The following CENPK variants were observed in gnomAD, a reference collection of about 807,000 sequenced individuals.
CENPK encodes SoxLZ/Sox6-binding protein Solt.
Under a neutral mutation model 40.9 loss-of-function variants are expected in CENPK, and 46 were observed. The observed-to-expected ratio is 1.13, with a 90% CI of 0.89 to 1.44. CENPK has a LOEUF of 1.44. CENPK is among the 40% of genes most tolerant of loss of function. CENPK has a pLI of 0.00. For synonymous variants in CENPK, 107 were observed against 104.4 expected, an observed-to-expected ratio of 1.02 and a Z score of -0.15; for missense variants, 288 against 303.5, an observed-to-expected ratio of 0.95 and a Z score of 0.38.
chr5:65,508,787 A>T, the CENPK span, among the ~76,000 whole-genome samples: 28 of 43,194 alleles, frequency 6.5e-4, no homozygotes, highest in Admixed American at 7.6e-3. Context: ...GACTCCATCT[A>T]AAAAAAAAAA....
At chr5:65,544,057 A>G (rs16893932) in intron 5 of CENPK, among the ~76,000 whole-genome samples, 5,027 of 152,282 alleles carry the variant, frequency 0.033, 278 homozygotes, top group African/African-American at 0.12. Context: ...AAAACTTTCA[A>G]AGGTATCTGC....
At chr5:65,503,765 C>T in the CENPK span, among the ~76,000 whole-genome samples, 1 of 150,982 alleles carries the variant, frequency 6.6e-6, no homozygotes, top group Non-Finnish European at 1.5e-5. Flanking sequence ...TCAAGCAATT[C>T]TCTGCCTCAG....
At chr5:65,506,469 T>C in the CENPK span, among the ~76,000 whole-genome samples, 1 of 151,230 alleles carries the variant, frequency 6.6e-6, no homozygotes, top group South Asian at 2.1e-4. Flanking sequence ...GACAACATGG[T>C]GAAACCCGGT....
the CENPK span, among the ~76,000 whole-genome samples, chr5:65,506,219 TAA>T: frequency 4.7e-4 from 67 of 143,040 alleles, 1 homozygote; most frequent in East Asian, 8.1e-4. Context: ...TCCCATTTCT[TAA>T]AAAAAAAAAA....
intron 6 of CENPK, among the ~76,000 whole-genome samples, chr5:65,536,004 A>G (rs1746828564): frequency 6.6e-6 from 1 of 152,252 alleles, no homozygotes; most frequent in Non-Finnish European, 1.5e-5. Flanking sequence ...AGAAGTTACC[A>G]GTAAAATATA....
At chr5:65,533,654 A>G (rs1387016593) in intron 6 of CENPK, among the ~76,000 whole-genome samples, 1 of 152,190 alleles carries the variant, frequency 6.6e-6, no homozygotes, top group African/African-American at 2.4e-5. Context: ...GATCTCAGAT[A>G]ATAAGGATGT....
chr5:65,558,931 G>A (rs1271381051), intron 2 of CENPK, among the ~76,000 whole-genome samples: 1 of 152,188 alleles, frequency 6.6e-6, no homozygotes, highest in South Asian at 2.1e-4. Context: ...AAATCTTCAA[G>A]GAATGAGGGT....
chr5:65,546,306 G>C (rs1748962371), intron 5 of CENPK, among the ~76,000 whole-genome samples: 1 of 151,616 alleles, frequency 6.6e-6, no homozygotes, highest in South Asian at 2.1e-4. Context: ...ACACCCGGCT[G>C]TTCTAATTTT....
chr5:65,520,941 A>G (rs1316034047), intron 10 of CENPK, among the ~76,000 whole-genome samples: 1 of 152,218 alleles, frequency 6.6e-6, no homozygotes, highest in Admixed American at 6.5e-5. Context: ...GGTCAAAGGT[A>G]TTTATAAAAC....
the CENPK span, among the ~76,000 whole-genome samples, chr5:65,503,692 C>CT: frequency 6.7e-6 from 1 of 150,192 alleles, no homozygotes; most frequent in Non-Finnish European, 1.5e-5. Context: ...GAGTCTCACT[C>CT]TGTCGCCCAG....
intron 1 of CENPK, 174 bp downstream of exon 1, chr5:65,562,924 A>C (rs1479797421): frequency 6.2e-6 from 1 of 162,428 alleles, no homozygotes. Context: ...TCTTTCTCTA[A>C]ATATTGGTGA....
At chr5:65,521,157 T>A (rs1428039761) in intron 10 of CENPK, among the ~76,000 whole-genome samples, 1 of 152,062 alleles carries the variant, frequency 6.6e-6, no homozygotes, top group Non-Finnish European at 1.5e-5. Flanking sequence ...AAATACTAGA[T>A]AACATCATTA....
At position 65,563,124 on chromosome 5, in the gene CENPK, G is replaced by C. The variant is rs1413477558; in HGVS notation, c.-168C>G. 1.5e-6 allele frequency: 1 copy of C among 668,394 alleles called. No homozygotes were observed. Among genetic ancestry groups the C allele is most frequent in the Middle Eastern group, 4.3e-4 (1 of 2,322 alleles). The allele number at this position is 668,394 out of a possible 1,614,324, so 41.4% of individuals were successfully genotyped here. A position where few individuals can be genotyped will look rare whatever the true frequency, so the allele number is the denominator to read the frequency against. On this transcript the variant is annotated 5_prime_UTR_variant, in exon 1 of 11. Transcript: ENST00000396679. ...ATCACAGCGTCACAAACTCCAGGTC[G>C]CCTAGGCGCTGCGCAGGAAGCGCTT...
intron 5 of CENPK, among the ~76,000 whole-genome samples, chr5:65,543,855 A>C (rs1356789459): frequency 6.6e-6 from 1 of 152,246 alleles, no homozygotes; most frequent in East Asian, 1.9e-4. Context: ...TCCTTTCTAA[A>C]GACATTTCCA....
chr5:65,527,542 T>C (rs977061366), intron 9 of CENPK, among the ~76,000 whole-genome samples: 5 of 70,854 alleles, frequency 7.1e-5, no homozygotes, highest in African/African-American at 1.8e-4. Flanking sequence ...TATATATATA[T>C]ATATATATAT....
chr5:65,534,137 G>A (rs557842017), intron 6 of CENPK, among the ~76,000 whole-genome samples: 3 of 151,596 alleles, frequency 2.0e-5, no homozygotes, highest in African/African-American at 7.3e-5. Context: ...ATAATAAAGG[G>A]ATGAACTTGA....
At chr5:65,513,744 G>A (rs569859518), downstream of CENPK, among the ~76,000 whole-genome samples, 2 of 152,176 alleles carry the variant, frequency 1.3e-5, no homozygotes, top group African/African-American at 4.8e-5. Context: ...AGAACTTCCA[G>A]TGCAACATTA....
chr5:65,525,247 C>G (rs1744477437), intron 9 of CENPK, among the ~76,000 whole-genome samples: 1 of 152,002 alleles, frequency 6.6e-6, no homozygotes, highest in South Asian at 2.1e-4. Context: ...CACATGTAAT[C>G]CCAGCTACTC....
the CENPK span, among the ~76,000 whole-genome samples, chr5:65,503,630 T>C: frequency 6.6e-6 from 1 of 152,108 alleles, no homozygotes; most frequent in Non-Finnish European, 1.5e-5. Flanking sequence ...TTTTCTATTA[T>C]CTTTAAGATA....
Sources: allele counts gnomAD v4.1 joint callset (sites outside exome capture counted in the v4.1 genomes callset), GRCh38; gene constraint gnomAD v4.1.1; transcripts MANE v1.5; gene names NCBI Gene and HGNC (gene_info 2026-07-23, HGNC 2026-07-21).